Variants in RNF141 observed in about 807,000 individuals in gnomAD.
The protein encoded by RNF141 is C3HC4-like zinc finger protein.
A neutral mutation model predicts 27.4 loss-of-function variants in RNF141; 18 were observed. The observed-to-expected ratio is 0.66, with a 90% CI of 0.45 to 0.97. RNF141 has a LOEUF of 0.97. Among genes scored for constraint, RNF141 ranks in the 50% least tolerant of loss-of-function variants. RNF141 has a pLI of 0.00. For missense variants in RNF141, 230 were observed against 279.4 expected, an observed-to-expected ratio of 0.82 and a Z score of 1.26; for synonymous variants, 97 against 96.6, an observed-to-expected ratio of 1.00 and a Z score of -0.02.
Position 10,519,141 on chromosome 11 carries a change from C to T in RNF141, c.435G>A (p.Arg145=). Residue 145 remains arginine, a splice_region_variant and synonymous_variant, in exon 5 of 6, where the codon AGG becomes AGA. Transcript: ENST00000265981. ...CCTCCTCATCGGTCAGCTGCTTCAC[C>T]CTGCAATGTGAAAACTGAGCTGAAA... ...TSCQASLWMG[R]VKQLTDEEEC... is the part of the protein sequence containing the mutation. 1 of 1,612,774 alleles carries T rather than the reference C, an allele frequency of 6.2e-7. No homozygotes were observed. Among genetic ancestry groups the T allele is most frequent in the Non-Finnish European group, 8.5e-7 (1 of 1,179,082 alleles).
chr11:10,530,622 A>G (rs762666979), intron 3 of RNF141, 21 bp downstream of exon 3: 4 of 1,383,806 alleles, frequency 2.9e-6, no homozygotes, highest in African/African-American at 1.4e-5. Context: ...GCTCAGAGGT[A>G]GAAGTCTCCA....
At chr11:10,522,509 G>A (rs909679821) in intron 4 of RNF141, among the ~76,000 whole-genome samples, 19 of 152,156 alleles carry the variant, frequency 1.2e-4, no homozygotes, top group Admixed American at 6.5e-5. Flanking sequence ...ACTCTGAAAG[G>A]CACACATACT....
intron 3 of RNF141, among the ~76,000 whole-genome samples, chr11:10,527,586 T>C (rs779545955): frequency 3.3e-5 from 5 of 151,906 alleles, no homozygotes; most frequent in Admixed American, 6.5e-5. Flanking sequence ...ATAGAATATA[T>C]AGGACTTTGC....
At chr11:10,541,099 A>C (rs904916012) in intron 1 of RNF141, 23 bp downstream of exon 1, 14 of 152,432 alleles carry the variant, frequency 9.2e-5, no homozygotes, top group African/African-American at 3.1e-4. Context: ...GGAAACACGA[A>C]AGGACAGCGC....
At chr11:10,529,087 T>C (rs1468916514) in intron 3 of RNF141, among the ~76,000 whole-genome samples, 1 of 152,226 alleles carries the variant, frequency 6.6e-6, no homozygotes, top group African/African-American at 2.4e-5. Flanking sequence ...CCAAATACCA[T>C]TCCTTCTTTT....
At chr11:10,517,146 G>A (rs1420556227) in intron 5 of RNF141, 1 of 151,686 alleles carries the variant, frequency 6.6e-6, no homozygotes, top group East Asian at 1.9e-4. Flanking sequence ...TAAAAAACTA[G>A]AGGAAAGCTC....
intron 1 of RNF141, among the ~76,000 whole-genome samples, chr11:10,539,089 A>G (rs1000953541): frequency 1.3e-5 from 2 of 152,238 alleles, no homozygotes; most frequent in Non-Finnish European, 2.9e-5. Flanking sequence ...TTTGAAATGC[A>G]CAAGATCAAG....
At chr11:10,539,829 T>A (rs1180493364) in intron 1 of RNF141, among the ~76,000 whole-genome samples, 1 of 151,160 alleles carries the variant, frequency 6.6e-6, no homozygotes, top group Non-Finnish European at 1.5e-5. Context: ...ATTAGACTTG[T>A]AAGAATTCTC....
chr11:10,531,170 T>A (rs1849982729), intron 2 of RNF141, among the ~76,000 whole-genome samples: 1 of 151,814 alleles, frequency 6.6e-6, no homozygotes. Flanking sequence ...AGGTCAGGAG[T>A]TCGAGTCCAG....
At chr11:10,531,911 T>C in intron 2 of RNF141, 1 of 384,250 alleles carries the variant, frequency 2.6e-6, no homozygotes, top group South Asian at 1.9e-5. Context: ...TCGTCCTGTA[T>C]AGGTTTAATT....
intron 1 of RNF141, among the ~76,000 whole-genome samples, chr11:10,537,361 C>G (rs1850046600): frequency 1.3e-5 from 2 of 152,048 alleles, no homozygotes; most frequent in Non-Finnish European, 2.9e-5. Flanking sequence ...ATTCCTGTAC[C>G]AATTTAATGA....
intron 1 of RNF141, among the ~76,000 whole-genome samples, chr11:10,535,209 A>C (rs1850023294): frequency 6.6e-6 from 1 of 151,970 alleles, no homozygotes; most frequent in Non-Finnish European, 1.5e-5. Flanking sequence ...TAATCAAAAA[A>C]TAAAGCTATA....
chr11:10,530,254 C>A (rs1416571367), intron 3 of RNF141, among the ~76,000 whole-genome samples: 1 of 151,866 alleles, frequency 6.6e-6, no homozygotes, highest in Non-Finnish European at 1.5e-5. Flanking sequence ...GATCTTTTTT[C>A]TTTTTAATGA....
chr11:10,534,638 T>A (rs907394744), intron 1 of RNF141, among the ~76,000 whole-genome samples: 3 of 152,056 alleles, frequency 2.0e-5, no homozygotes, highest in African/African-American at 7.2e-5. Context: ...CTTACAACAA[T>A]CCTAAGAGGT....
rs150985730 is a variant in RNF141, at chr11:10,526,384, A to T, written c.253-1011T>A. 1.8e-3 allele frequency among the ~76,000 whole-genome samples: 275 copies of T among 152,316 alleles called. 1 individual carries two copies. Among genetic ancestry groups the T allele is most frequent in the African/African-American group, 6.2e-3 (256 of 41,578 alleles). ...AAAATGAGGTAGATTACATATTTTAAAATATTATTATACATTTGAATATTG... is the reference window on the plus strand; with the variant it reads ...AAAATGAGGTAGATTACATATTTTATAATATTATTATACATTTGAATATTG... On this transcript the variant is annotated intron_variant, in intron 3 of 5. Coordinates refer to ENST00000265981, the MANE Select transcript of RNF141 (RefSeq NM_016422.4).
At position 10,540,003 on chromosome 11, in the gene RNF141, CTG is replaced by C. The variant is rs1294253299; in HGVS notation, c.-48+1117_-48+1118del. 5.9e-5 allele frequency among the ~76,000 whole-genome samples: 9 copies of C among 152,030 alleles called. No individual in the cohort carries two copies. In the East Asian group the frequency reaches 1.7e-3, roughly 29 times the overall value. Reference sequence around the variant, plus strand: ...TATTCTTGAGAAAAAGTTCTAGAAACTGAAGTCAGGCAATGTGAAAGAAAAGG... The same window carrying C: ...TATTCTTGAGAAAAAGTTCTAGAAACAAGTCAGGCAATGTGAAAGAAAAGG... On this transcript the variant is annotated intron_variant, in intron 1 of 5. Coordinates refer to ENST00000265981, the MANE Select transcript of RNF141 (RefSeq NM_016422.4).
chr11:10,524,950 A>G (rs1330263105), intron 4 of RNF141, among the ~76,000 whole-genome samples: 2 of 152,162 alleles, frequency 1.3e-5, no homozygotes, highest in Non-Finnish European at 2.9e-5. Flanking sequence ...TATAGAGCGG[A>G]TTCCTGGAGA....
chr11:10,518,718 C>CA, intron 5 of RNF141: 1 of 223,808 alleles, frequency 4.5e-6, no homozygotes, highest in Non-Finnish European at 8.8e-6. Flanking sequence ...TAAACACATA[C>CA]ACAGAATAAA....
intron 1 of RNF141, among the ~76,000 whole-genome samples, chr11:10,538,450 A>T (rs537596920): frequency 6.6e-6 from 1 of 152,354 alleles, no homozygotes; most frequent in Non-Finnish European, 1.5e-5. Context: ...ATGTTCACGA[A>T]AACAATCTGT....
Sources: gnomAD v4.1 joint callset for allele counts (sites outside exome capture counted in the v4.1 genomes callset) on GRCh38, gnomAD v4.1.1 for gene constraint, MANE v1.5 for transcripts, NCBI Gene and HGNC (gene_info 2026-07-23, HGNC 2026-07-21) for gene names.